The following MYO7B variants were observed in gnomAD, a reference collection of about 807,000 sequenced individuals.
MYO7B encodes the protein unconventional myosin-VIIb.
In MYO7B, 212 loss-of-function variants were observed where a neutral mutation model predicts 259.7. The observed-to-expected ratio is 0.82, with a 90% CI of 0.73 to 0.91. The LOEUF is 0.91. MYO7B is among the 40% of genes least tolerant of loss of function. The probability of loss-of-function intolerance (pLI) is 0.00; values close to 1 mark genes in which losing one functional copy is unlikely to be tolerated. For missense variants in MYO7B, 2,732 were observed against 2,813.5 expected, an observed-to-expected ratio of 0.97 and a Z score of 0.66; for synonymous variants, 1,197 against 1,166.4, an observed-to-expected ratio of 1.03 and a Z score of -0.54.
In MYO7B at chr2:127,628,664, A is replaced by G. The variant is rs1681291593; in HGVS notation, c.4624+129A>G. ...GGCAAGCAGAGGGAGGGAAGGCCCC[A>G]AAGCTCTGTGGGGGCAGCTTTAGGC... On this transcript the variant is annotated intron_variant, in intron 34 of 47. Transcript: ENST00000409816. The surrounding 1 kb of genome is among the most constrained non-coding windows in gnomAD (Gnocchi z 4.8). The G allele has an allele frequency of 2.9e-6, 3 of 1,041,540 alleles. No individual in the cohort carries two copies. In the African/African-American group the frequency reaches 4.7e-5, roughly 16 times the overall value. The allele number at this position is 1,041,540 out of a possible 1,614,324, so 64.5% of individuals were successfully genotyped here. A position where few individuals can be genotyped will look rare whatever the true frequency, so the allele number is the denominator to read the frequency against.
intron 19 of MYO7B, among the ~76,000 whole-genome samples, chr2:127,601,402 G>A (rs1047851422): frequency 3.3e-5 from 5 of 152,140 alleles, no homozygotes; most frequent in African/African-American, 7.2e-5. Context: ...TTTATCAATT[G>A]TTGAGAGAGT....
chr2:127,590,327 G>A lies in MYO7B; in HGVS notation c.1992+98G>A, dbSNP rs549637951. 9.0e-4 allele frequency: 1,362 copies of A among 1,521,498 alleles called. 9 individuals are homozygous for A. The highest frequency in any genetic ancestry group is 8.1e-3 in the South Asian group (678 of 83,732). The allele number at this position is 1,521,498 out of a possible 1,614,324, so 94.2% of individuals were successfully genotyped here. ...CTCCCTCTGCCAGGGCCTGGCTAGC[G>A]TTAGAGCTGTTACTGCCCCTACCTT... On this transcript the variant is annotated intron_variant, in intron 16 of 47. Coordinates refer to ENST00000409816, the MANE Select transcript of MYO7B (RefSeq NM_001393586.1). This position sits in a 1 kb window ranked among gnomAD's most constrained non-coding sequence, Gnocchi z 4.6.
chr2:127,603,589 C>T (rs1680043116), intron 19 of MYO7B, among the ~76,000 whole-genome samples: 2 of 152,152 alleles, frequency 1.3e-5, no homozygotes, highest in African/African-American at 4.8e-5. Flanking sequence ...TGCTGTCACC[C>T]AGGCTTTGTT....
At position 127,539,694 on chromosome 2, in the gene MYO7B, C is replaced by T. The variant is rs1692927842; in HGVS notation, c.-24+3863C>T. ...GGGCTATTTCTTTTAAAAAAAAAAA[C>T]TCCATAGTTTTTAAGGTACAGGTGT... On this transcript the variant is annotated intron_variant, in intron 1 of 47. Transcript: ENST00000409816. The surrounding 1 kb of genome is among the most constrained non-coding windows in gnomAD (Gnocchi z 4.0). 6.8e-6 allele frequency among the ~76,000 whole-genome samples: 1 copy of T among 146,084 alleles called. No homozygotes were observed. Among genetic ancestry groups the T allele is most frequent in the Non-Finnish European group, 1.5e-5 (1 of 67,408 alleles).
chr2:127,576,745 G>A lies in MYO7B; in HGVS notation c.849+37G>A. ...ACCTGCCGCCTCCCAGTAGCCAGTG[G>A]AAGGGAGGAAAAAGAGCTTGTGCCG... On this transcript the variant is annotated intron_variant, in intron 8 of 47. Coordinates refer to ENST00000409816, the MANE Select transcript of MYO7B (RefSeq NM_001393586.1). This position sits in a 1 kb window ranked among gnomAD's most constrained non-coding sequence, Gnocchi z 4.9. 7.0e-7 allele frequency: 1 copy of A among 1,430,234 alleles called. No homozygotes were observed. The allele number at this position is 1,430,234 out of a possible 1,614,324, so 88.6% of individuals were successfully genotyped here. A position where few individuals can be genotyped will look rare whatever the true frequency, so the allele number is the denominator to read the frequency against.
At chr2:127,543,336 T>TA (rs1693083364) in intron 1 of MYO7B, among the ~76,000 whole-genome samples, 1 of 151,900 alleles carries the variant, frequency 6.6e-6, no homozygotes, top group Non-Finnish European at 1.5e-5. Context: ...TTTTTTTTTT[T>TA]AACAAAGCAC....
rs1039201580 is a variant in MYO7B, at chr2:127,613,130, G to C, written c.3398+527G>C. ...GGTTAATACTTTTAACAAAATTTGGGAAACTGTTGGTCATTATTTCTTCAC... is the reference window on the plus strand; with the variant it reads ...GGTTAATACTTTTAACAAAATTTGGCAAACTGTTGGTCATTATTTCTTCAC... On this transcript the variant is annotated intron_variant, in intron 26 of 47. Transcript: ENST00000409816. The surrounding 1 kb of genome is among the most constrained non-coding windows in gnomAD (Gnocchi z 4.3). Among the ~76,000 whole-genome samples, 5 of 152,158 alleles carry C rather than the reference G, an allele frequency of 3.3e-5. No individual in the cohort carries two copies. Among genetic ancestry groups the C allele is most frequent in the African/African-American group, 1.2e-4 (5 of 41,430 alleles).
chr2:127,637,491 A>C lies in MYO7B; in HGVS notation c.*74A>C. 8.7e-7 allele frequency: 1 copy of C among 1,142,982 alleles called. No individual in the cohort carries two copies. Among genetic ancestry groups the C allele is most frequent in the Non-Finnish European group, 1.2e-6 (1 of 823,294 alleles). The allele number at this position is 1,142,982 out of a possible 1,614,324, so 70.8% of individuals were successfully genotyped here. A position where few individuals can be genotyped will look rare whatever the true frequency, so the allele number is the denominator to read the frequency against. On this transcript the variant is annotated 3_prime_UTR_variant, in exon 48 of 48. Coordinates refer to ENST00000409816, the MANE Select transcript of MYO7B (RefSeq NM_001393586.1). ...TGGCGGCACCTTCCCAGGCCCTCTC[A>C]ACCCAGGGCCTGTCCTTGGCGGGCA...
intron 29 of MYO7B, among the ~76,000 whole-genome samples, 181 bp from the exon 30 acceptor site, chr2:127,623,912 G>A (rs909274866): frequency 6.6e-6 from 1 of 152,212 alleles, no homozygotes; most frequent in African/African-American, 2.4e-5. Context: ...TGGCAGATGG[G>A]CCATTGCTGT....
chr2:127,593,731 C>T, intron 18 of MYO7B, 87 bp downstream of exon 18: 1 of 1,248,398 alleles, frequency 8.0e-7, no homozygotes, highest in Non-Finnish European at 1.2e-6. Flanking sequence ...GTCCATGGTC[C>T]ATGTGCCCTG....
At chr2:127,580,497 G>A (rs948406099) in intron 9 of MYO7B, among the ~76,000 whole-genome samples, 2 of 152,108 alleles carry the variant, frequency 1.3e-5, no homozygotes, top group African/African-American at 4.8e-5. Context: ...ACTTCCCTTC[G>A]ACCCAGGGCC....
intron 6 of MYO7B, among the ~76,000 whole-genome samples, chr2:127,572,936 A>G (rs1051248481): frequency 4.9e-5 from 4 of 82,020 alleles, no homozygotes; most frequent in African/African-American, 2.1e-4. Context: ...AGTTAGTACC[A>G]AAAAAAAAAA....
chr2:127,608,994 G>A, intron 22 of MYO7B, 116 bp downstream of exon 22: 2 of 1,336,404 alleles, frequency 1.5e-6, no homozygotes, highest in Non-Finnish European at 2.0e-6. Context: ...GGCCAAGTGT[G>A]TGCTGCAGCC....
At chr2:127,593,042 G>A (rs987779109) in intron 17 of MYO7B, 96 bp downstream of exon 17, 7 of 1,421,878 alleles carry the variant, frequency 4.9e-6, no homozygotes, top group Non-Finnish European at 6.7e-6. Context: ...GTCTCCCGCT[G>A]CCCTCCCCGG....
chr2:127,547,187 A>T (rs980005886), intron 1 of MYO7B, among the ~76,000 whole-genome samples: 1 of 152,036 alleles, frequency 6.6e-6, no homozygotes, highest in Admixed American at 6.6e-5. Context: ...TCATCTGTCC[A>T]CTCATCCATC....
rs1380711060 is a variant in MYO7B at position 127,612,077 on chromosome 2, T to C, written c.3193-173T>C. Among the ~76,000 whole-genome samples, 3 of 151,986 alleles carry C rather than the reference T, an allele frequency of 2.0e-5. 1 individual carries two copies. Among genetic ancestry groups the C allele is most frequent in the African/African-American group, 4.8e-5 (2 of 41,378 alleles). On this transcript the variant is annotated intron_variant, in intron 24 of 47. Coordinates refer to ENST00000409816, the MANE Select transcript of MYO7B (RefSeq NM_001393586.1). ...GAAGTGAGGATGGGACACGCACCTG[T>C]ATGTGTGTGTGGTAAAGCTCTACCA...
chr2:127,592,868 G>C lies in MYO7B; in HGVS notation c.2067G>C (p.Ser689=). 2 of 1,610,172 alleles carry C rather than the reference G, an allele frequency of 1.2e-6. No individual in the cohort carries two copies. Among genetic ancestry groups the C allele is most frequent in the African/African-American group, 1.3e-5 (1 of 74,998 alleles). The change falls in exon 17 of 48, where the codon TCG becomes TCC. Residue 689 remains serine (S), a synonymous_variant. Transcript: ENST00000409816. Reference sequence around the variant, plus strand: ...TGGAGACCGTGCACATCCGCAAGTCGGGCTTCCCCATCCGCTACACGTTCG... The same window carrying C: ...TGGAGACCGTGCACATCCGCAAGTCCGGCTTCCCCATCCGCTACACGTTCG... The part of the protein sequence containing the change: ...GMMETVHIRK[S]GFPIRYTFEE...
rs1021535064 is a variant in MYO7B, at chr2:127,546,902, A to C, written c.-24+11071A>C. On this transcript the variant is annotated intron_variant, in intron 1 of 47. Transcript: ENST00000409816. The surrounding 1 kb of genome is among the most constrained non-coding windows in gnomAD (Gnocchi z 4.2). ...CCATTAATCCATCCACCATCCATCT[A>C]TCCACCCACCCACCCATTCACCCAC... is the stretch of plus-strand genomic sequence containing the variant. Among the ~76,000 whole-genome samples, 1 of 151,490 alleles carries C rather than the reference A, an allele frequency of 6.6e-6. No homozygotes were observed. Among genetic ancestry groups the C allele is most frequent in the East Asian group, 1.9e-4 (1 of 5,156 alleles).
intron 26 of MYO7B, among the ~76,000 whole-genome samples, chr2:127,616,369 C>T (rs1406509849): frequency 6.6e-6 from 1 of 152,182 alleles, no homozygotes; most frequent in Non-Finnish European, 1.5e-5. Context: ...AGTTGTACTT[C>T]CAAATCCCTG....
Sources: gnomAD v4.1 joint callset for allele counts (sites outside exome capture counted in the v4.1 genomes callset) on GRCh38, gnomAD v4.1.1 for gene constraint, Gnocchi (gnomAD v3.1) non-coding constraint, MANE v1.5 for transcripts, NCBI Gene and HGNC (gene_info 2026-07-23, HGNC 2026-07-21) for gene names.